NIPSNAP2: variants seen among roughly 807,000 people sequenced by gnomAD.
NIPSNAP2 encodes the protein protein NipSnap homolog 2.
Under a neutral mutation model 48.4 loss-of-function variants are expected in NIPSNAP2, and 42 were observed. That is an observed-to-expected ratio of 0.87 (90% confidence interval 0.68 to 1.12). NIPSNAP2 has a LOEUF of 1.12. Ranked by LOEUF, NIPSNAP2 falls within the 50% of genes most tolerant of loss-of-function variation. The pLI, the probability that NIPSNAP2 is intolerant of heterozygous loss-of-function variation, is 0.00. For synonymous variants in NIPSNAP2, 158 were observed against 126.6 expected, an observed-to-expected ratio of 1.25 and a Z score of -1.67; for missense variants, 314 against 347.3, an observed-to-expected ratio of 0.90 and a Z score of 0.76.
chr7:55,972,562 A>T (rs943568718), intron 1 of NIPSNAP2, among the ~76,000 whole-genome samples: 2 of 150,532 alleles, frequency 1.3e-5, no homozygotes, highest in Non-Finnish European at 2.9e-5. Flanking sequence ...CCTCCTGAGT[A>T]GCTGGGATTA....
intron 7 of NIPSNAP2, among the ~76,000 whole-genome samples, chr7:55,989,387 G>A (rs557944899): frequency 1.3e-5 from 2 of 152,268 alleles, no homozygotes; most frequent in South Asian, 2.1e-4. Flanking sequence ...CACTTCGGGC[G>A]GCTGAGGTGG....
intron 7 of NIPSNAP2, among the ~76,000 whole-genome samples, chr7:55,988,881 A>G (rs1330501938): frequency 6.6e-6 from 1 of 152,032 alleles, no homozygotes; most frequent in Non-Finnish European, 1.5e-5. Context: ...AAGAAAAAAA[A>G]AATTACATAT....
intron 1 of NIPSNAP2, among the ~76,000 whole-genome samples, chr7:55,969,759 G>A (rs866994407): frequency 1.7e-4 from 26 of 152,086 alleles, no homozygotes; most frequent in Non-Finnish European, 2.9e-4. Flanking sequence ...CAAGGTGGGC[G>A]AATCACGAGG....
At chr7:55,980,886 T>C (rs1350640551) in intron 3 of NIPSNAP2, 1 of 152,282 alleles carries the variant, frequency 6.6e-6, no homozygotes, top group Non-Finnish European at 1.5e-5. Flanking sequence ...GCCATGTTGA[T>C]GCCCTTGGGG....
At chr7:55,976,038 AAGTG>A (rs1584341456) in intron 1 of NIPSNAP2, among the ~76,000 whole-genome samples, 1 of 58,698 alleles carries the variant, frequency 1.7e-5, no homozygotes, top group East Asian at 5.0e-4. Flanking sequence ...TCTCTCAAAA[AAGTG>A]TGTGTGTGTG....
At chr7:55,991,704 C>T (rs766523601) in intron 7 of NIPSNAP2, 1 of 162,622 alleles carries the variant, frequency 6.1e-6, no homozygotes, top group Non-Finnish European at 1.3e-5. Flanking sequence ...GCCAAGATCG[C>T]ACCATTGTAC....
rs773103909 is a variant in NIPSNAP2 at position 55,997,445 on chromosome 7, C to T, written c.792C>T (p.Tyr264=). The T allele has an allele frequency of 7.5e-6, 12 of 1,607,358 alleles. No individual in the cohort carries two copies. The highest frequency in any genetic ancestry group is 1.6e-4 in the Middle Eastern group (1 of 6,072). Residue 264 remains tyrosine, a synonymous_variant, in exon 9 of 10, where the codon TAC becomes TAT. Transcript: ENST00000322090. ...HKHGWEELVY[Y]TVPLIQEMES... ...ATGGCTGGGAGGAATTGGTATATTA[C>T]ACAGGTAATCTCTTAACAGCCATGA... is the stretch of plus-strand genomic sequence containing the variant.
chr7:55,984,724 A>G, intron 6 of NIPSNAP2, 123 bp from the exon 7 acceptor site: 1 of 776,562 alleles, frequency 1.3e-6, no homozygotes, highest in Non-Finnish European at 2.1e-6. Flanking sequence ...TCTCAAAAAA[A>G]AAAAAAAAAA....
intron 7 of NIPSNAP2, among the ~76,000 whole-genome samples, chr7:55,986,470 T>A (rs1214977526): frequency 6.6e-6 from 1 of 152,098 alleles, no homozygotes; most frequent in Non-Finnish European, 1.5e-5. Flanking sequence ...GAGACCAGCC[T>A]GACCAACTTG....
At chr7:55,981,728 G>C in intron 4 of NIPSNAP2, 161 bp downstream of exon 4, 1 of 559,316 alleles carries the variant, frequency 1.8e-6, no homozygotes, top group South Asian at 2.5e-5. Flanking sequence ...TGCGAAAATG[G>C]TTTTAAAATT....
At chr7:55,970,503 G>A (rs1786997683) in intron 1 of NIPSNAP2, among the ~76,000 whole-genome samples, 1 of 151,772 alleles carries the variant, frequency 6.6e-6, no homozygotes, top group South Asian at 2.1e-4. Flanking sequence ...GTAGAGACAG[G>A]GTTTGGCCAT....
At chr7:55,989,450 C>G (rs1405287451) in intron 7 of NIPSNAP2, among the ~76,000 whole-genome samples, 1 of 152,104 alleles carries the variant, frequency 6.6e-6, no homozygotes, top group Non-Finnish European at 1.5e-5. Context: ...CATGGTGAAA[C>G]CTCATCTCTA....
At chr7:55,966,443 AT>A in intron 1 of NIPSNAP2, among the ~76,000 whole-genome samples, 1 of 152,264 alleles carries the variant, frequency 6.6e-6, no homozygotes, top group Non-Finnish European at 1.5e-5. Context: ...TCTGTCCCTA[AT>A]AATAAATAAG....
At position 55,984,269 on chromosome 7, in the gene NIPSNAP2, G is replaced by A. The variant is rs1202047562; in HGVS notation, c.585+401G>A. 2.6e-5 allele frequency among the ~76,000 whole-genome samples: 4 copies of A among 152,208 alleles called. No individual in the cohort carries two copies. In the East Asian group the frequency reaches 5.8e-4, roughly 22 times the overall value. On this transcript the variant is annotated intron_variant, in intron 6 of 9. Coordinates refer to ENST00000322090, the MANE Select transcript of NIPSNAP2 (RefSeq NM_001483.3). ...ACTTTCTAGAAATTTTCCTACTGAG[G>A]ACTAGAAAGAAAGCCCCACATAGCA...
chr7:55,965,713 T>C (rs1050841773), intron 1 of NIPSNAP2, among the ~76,000 whole-genome samples: 26 of 152,136 alleles, frequency 1.7e-4, no homozygotes, highest in African/African-American at 6.3e-4. Flanking sequence ...CCCAAGTAGC[T>C]GGGATTACAG....
At chr7:55,981,974 T>C in intron 4 of NIPSNAP2, 1 of 341,852 alleles carries the variant, frequency 2.9e-6, no homozygotes, top group East Asian at 5.3e-5. Context: ...ACCCAGGTAA[T>C]TTTTGTATTT....
intron 6 of NIPSNAP2, 84 bp downstream of exon 6, chr7:55,983,952 T>A: frequency 8.1e-7 from 1 of 1,231,196 alleles, no homozygotes; most frequent in Non-Finnish European, 1.2e-6. Context: ...AGAACTTGTG[T>A]GTACATTCTG....
chr7:55,998,292 TAA>T (rs1044310337), intron 9 of NIPSNAP2, among the ~76,000 whole-genome samples: 4 of 150,284 alleles, frequency 2.7e-5, no homozygotes, highest in East Asian at 2.0e-4. Context: ...ACCAAGAAAA[TAA>T]AAGAGTAATT....
At chr7:55,977,897 T>C (rs997746977) in intron 1 of NIPSNAP2, among the ~76,000 whole-genome samples, 1 of 152,222 alleles carries the variant, frequency 6.6e-6, no homozygotes, top group Admixed American at 6.5e-5. Context: ...AAACACATAG[T>C]GCAAATTGCA....
Sources: gnomAD v4.1 joint callset for allele counts (sites outside exome capture counted in the v4.1 genomes callset) on GRCh38, gnomAD v4.1.1 for gene constraint, MANE v1.5 for transcripts, NCBI Gene and HGNC (gene_info 2026-07-23, HGNC 2026-07-21) for gene names.